Variants in PDE3B observed in about 807,000 individuals in gnomAD.
The protein encoded by PDE3B is phosphodiesterase 3B, also known as cGMP-inhibited 3',5'-cyclic phosphodiesterase 3B.
In PDE3B, 66 loss-of-function variants were observed where a neutral mutation model predicts 116.8. The ratio of observed to expected loss-of-function variants is 0.56; its 90% CI spans 0.46 to 0.69. PDE3B has a LOEUF of 0.69. Ranked by LOEUF, PDE3B falls within the 30% of genes least tolerant of loss-of-function variation. The pLI is 0.00. For missense variants in PDE3B, 1,384 were observed against 1,368.1 expected (o/e 1.01, Z -0.18); for synonymous variants, 595 against 533.6 (o/e 1.12, Z -1.59).
In PDE3B at chr11:14,832,827, A is replaced by C. The variant is rs1255562729; in HGVS notation, c.2200A>C (p.Ile734Leu). 1 of 1,344,240 alleles carries C rather than the reference A, an allele frequency of 7.4e-7. No homozygotes were observed. The highest frequency in any genetic ancestry group is 1.1e-6 in the Non-Finnish European group (1 of 951,134). 83.3% of individuals were successfully genotyped at this position (1,344,240 alleles called of 1,614,324 possible). The part of the protein sequence containing the change: ...FRALENGYRD[I>L]PYHNRIHATD... The stretch of plus-strand genomic sequence containing the variant: ...TGCATTAGAAAATGGCTATCGAGAC[A>C]TTCCTTGTAAGTATTAACATATTTT... Residue 734 changes from isoleucine (I) to leucine (L), a missense_variant, in exon 10 of 16, where the codon ATT (isoleucine) becomes CTT (leucine). By Grantham distance (5) the Ile-to-Leu change is conservative. Around this residue, in one of 2 missense-constraint regions of PDE3B, gnomAD observed 428 missense variants for 561.4 expected, o/e 0.76. Coordinates refer to ENST00000282096, the MANE Select transcript of PDE3B (RefSeq NM_000922.4).
intron 1 of PDE3B, among the ~76,000 whole-genome samples, chr11:14,664,629 C>A (rs1160215731): frequency 1.3e-5 from 2 of 152,174 alleles, no homozygotes; most frequent in East Asian, 3.8e-4. Context: ...TCAGAGGATA[C>A]TACAAACAGC....
intron 5 of PDE3B, among the ~76,000 whole-genome samples, chr11:14,806,814 C>T: frequency 6.9e-6 from 1 of 145,488 alleles, no homozygotes; most frequent in Admixed American, 6.8e-5. Context: ...AGCCGAGATC[C>T]CACCACTGCA....
At chr11:14,894,765 C>T in the PDE3B span, among the ~76,000 whole-genome samples, 14 of 152,166 alleles carry the variant, frequency 9.2e-5, no homozygotes, top group Non-Finnish European at 5.9e-5. Flanking sequence ...TTATCATGTT[C>T]CCTCAGCTCA....
the PDE3B span, chr11:14,885,849 G>T: frequency 6.2e-7 from 1 of 1,613,310 alleles, no homozygotes. Context: ...GATGAACAAG[G>T]CATTCCTTTA....
chr11:14,665,169 C>G (rs1040517821), intron 1 of PDE3B, among the ~76,000 whole-genome samples: 14 of 152,306 alleles, frequency 9.2e-5, no homozygotes, highest in East Asian at 3.9e-4. Context: ...ACAAAAACCA[C>G]ATGATTATCT....
chr11:14,859,644 T>C (rs147247333), intron 13 of PDE3B, among the ~76,000 whole-genome samples: 8 of 152,326 alleles, frequency 5.3e-5, no homozygotes, highest in African/African-American at 1.9e-4. Flanking sequence ...AGAATCCAGT[T>C]AATTATGTCT....
At chr11:14,809,643 C>T (rs1859063431) in intron 5 of PDE3B, among the ~76,000 whole-genome samples, 1 of 152,128 alleles carries the variant, frequency 6.6e-6, no homozygotes, top group African/African-American at 2.4e-5. Context: ...GAGATGGGGC[C>T]TTTTGGAGAT....
rs111436102 is a variant in PDE3B, at chr11:14,859,183, T to C, written c.2661T>C (p.Ile887=). The change falls in exon 13 of 16, where the codon ATT becomes ATC. Residue 887 remains isoleucine, a synonymous_variant. Coordinates refer to ENST00000282096, the MANE Select transcript of PDE3B (RefSeq NM_000922.4). The part of the protein sequence containing the change: ...VEFKRFRFLV[I]EAILATDLKK... ...TCAAGCGCTTTCGTTTTTTAGTCAT[T>C]GAAGCAATCCTTGCTACGGATCTTA... 1.1e-3 allele frequency: 1,772 copies of C among 1,613,772 alleles called. 15 individuals carry two copies. In the African/African-American group the frequency reaches 0.016, roughly 15 times the overall value.
chr11:14,847,813 C>T (rs1018896961), intron 12 of PDE3B, among the ~76,000 whole-genome samples: 5 of 152,292 alleles, frequency 3.3e-5, no homozygotes, highest in African/African-American at 1.2e-4. Context: ...CTGAACAGAC[C>T]AATAACAGGC....
intron 1 of PDE3B, among the ~76,000 whole-genome samples, chr11:14,695,690 C>G (rs1855186580): frequency 6.6e-6 from 1 of 151,890 alleles, no homozygotes; most frequent in South Asian, 2.1e-4. Flanking sequence ...CCAACAGGCC[C>G]CAGCAAGTAT....
intron 14 of PDE3B, among the ~76,000 whole-genome samples, chr11:14,863,893 CAACT>C (rs1847994805): frequency 6.6e-6 from 1 of 152,164 alleles, no homozygotes; most frequent in Non-Finnish European, 1.5e-5. Context: ...GAAACCACAT[CAACT>C]AACGGGCAAA....
intron 1 of PDE3B, among the ~76,000 whole-genome samples, chr11:14,695,402 C>T (rs1418144206): frequency 6.6e-6 from 1 of 151,978 alleles, no homozygotes; most frequent in African/African-American, 2.4e-5. Context: ...ATGGATAAAG[C>T]TTGTGTGAGC....
At chr11:14,892,832 C>T in the PDE3B span, among the ~76,000 whole-genome samples, 7 of 152,310 alleles carry the variant, frequency 4.6e-5, no homozygotes, top group African/African-American at 1.7e-4. Context: ...CTATATTTGA[C>T]CCCTCTCTGG....
At chr11:14,725,137 T>A (rs1187557732) in intron 1 of PDE3B, among the ~76,000 whole-genome samples, 1 of 152,170 alleles carries the variant, frequency 6.6e-6, no homozygotes, top group Non-Finnish European at 1.5e-5. Flanking sequence ...CCATGCTACT[T>A]TTGAGGTATC....
At chr11:14,880,652 T>C in the PDE3B span, 1 of 1,598,766 alleles carries the variant, frequency 6.3e-7, no homozygotes, top group Non-Finnish European at 8.5e-7. Context: ...AAAAATTTGG[T>C]TTCTTCCAAG....
At chr11:14,675,185 C>T (rs577071053) in intron 1 of PDE3B, among the ~76,000 whole-genome samples, 2 of 152,188 alleles carry the variant, frequency 1.3e-5, no homozygotes, top group African/African-American at 4.8e-5. Context: ...ACCTTTTAGG[C>T]CTTAAGTCAG....
At chr11:14,875,881 T>A (rs571607357), downstream of PDE3B, among the ~76,000 whole-genome samples, 1 of 152,278 alleles carries the variant, frequency 6.6e-6, no homozygotes, top group East Asian at 1.9e-4. Flanking sequence ...ATCTACATCT[T>A]TTATAATTTG....
the PDE3B span, chr11:14,879,516 A>G: frequency 2.4e-6 from 3 of 1,245,582 alleles, no homozygotes; most frequent in South Asian, 3.8e-5. Flanking sequence ...CCTCTGGAAT[A>G]AAATAAAGGA....
intron 1 of PDE3B, among the ~76,000 whole-genome samples, chr11:14,737,215 A>G (rs1366909678): frequency 7.0e-6 from 1 of 143,176 alleles, no homozygotes; most frequent in Non-Finnish European, 1.5e-5. Context: ...TTTTTTTGAG[A>G]TGGAATCTCG....
Sources: allele counts gnomAD v4.1 joint callset (sites outside exome capture counted in the v4.1 genomes callset), GRCh38; gene constraint gnomAD v4.1.1; regional missense constraint gnomAD v4.1.1; transcripts MANE v1.5; gene names NCBI Gene and HGNC (gene_info 2026-07-23, HGNC 2026-07-21).